Variants in DOCK5 observed in about 807,000 individuals in gnomAD.
The protein encoded by DOCK5 is dedicator of cytokinesis protein 5.
A neutral mutation model predicts 251.8 loss-of-function variants in DOCK5; 142 were observed. That is an observed-to-expected ratio of 0.56 (90% CI 0.49 to 0.65). The LOEUF (loss-of-function observed/expected upper bound fraction) is 0.65, where lower values mean the gene tolerates loss of function less well. Among genes scored for constraint, DOCK5 ranks in the 30% least tolerant of loss-of-function variants. The probability of loss-of-function intolerance (pLI) is 0.00; values close to 1 mark genes in which losing one functional copy is unlikely to be tolerated. For missense variants in DOCK5, 2,111 were observed against 2,312.3 expected (o/e 0.91, Z 1.79); for synonymous variants, 842 against 835.5 (o/e 1.01, Z -0.13).
chr8:25,397,867 C>T (rs372899842), intron 45 of DOCK5, among the ~76,000 whole-genome samples: 37 of 152,248 alleles, frequency 2.4e-4, no homozygotes, highest in Admixed American at 6.5e-4. Flanking sequence ...ATTTCGGGAC[C>T]TTTGGCTTAA....
intron 1 of DOCK5, among the ~76,000 whole-genome samples, chr8:25,228,465 T>G (rs1802586383): frequency 6.6e-6 from 1 of 152,190 alleles, no homozygotes; most frequent in Admixed American, 6.5e-5. Context: ...GAGGGGCTGT[T>G]CCTTGTGGCT....
chr8:25,204,014 C>A (rs1238362597), intron 1 of DOCK5, among the ~76,000 whole-genome samples: 1 of 152,194 alleles, frequency 6.6e-6, no homozygotes, highest in Non-Finnish European at 1.5e-5. Context: ...TTGCTTTTAT[C>A]AGCAGCCTTG....
intron 2 of DOCK5, among the ~76,000 whole-genome samples, chr8:25,255,403 G>A (rs1364038119): frequency 2.0e-5 from 3 of 152,112 alleles, no homozygotes; most frequent in Non-Finnish European, 4.4e-5. Context: ...GCCATAAAAA[G>A]ACATAGATAT....
chr8:25,243,750 G>T lies in DOCK5; in HGVS notation c.120G>T (p.Met40Ile), dbSNP rs752655929. 1.2e-6 allele frequency: 2 copies of T among 1,613,594 alleles called. No homozygotes were observed. Among genetic ancestry groups the T allele is most frequent in the Non-Finnish European group, 1.7e-6 (2 of 1,179,662 alleles). Residue 40 changes from methionine (M) to isoleucine (I), a missense_variant, in exon 2 of 52, where the codon ATG becomes ATT. Coordinates refer to ENST00000276440, the MANE Select transcript of DOCK5 (RefSeq NM_024940.8). ...GTGACACAGTTCACATCCTGGAGAT[G>T]TACGAGGGTAAGTCTGGCTGGCCTT... ...QIGDTVHILE[M>I]YEGWYRGYTL...
intron 38 of DOCK5, among the ~76,000 whole-genome samples, chr8:25,378,077 G>A (rs2709624): frequency 0.7 from 105,677 of 151,996 alleles, 37,133 homozygotes; most frequent in South Asian, 0.8. Flanking sequence ...TGAATGAATC[G>A]TTAACTACAC....
At chr8:25,328,135 C>T (rs1368118378) in intron 18 of DOCK5, among the ~76,000 whole-genome samples, 3 of 152,062 alleles carry the variant, frequency 2.0e-5, no homozygotes, top group Non-Finnish European at 4.4e-5. Context: ...TATACATTTT[C>T]ATCATCACAG....
rs144754799 is a variant in DOCK5 at position 25,262,045 on chromosome 8, T to C, written c.128-6800T>C. On this transcript the variant is annotated intron_variant, in intron 2 of 51. Coordinates refer to ENST00000276440, the MANE Select transcript of DOCK5 (RefSeq NM_024940.8). ...TCAGTACTCCCATTGATGTACATTT[T>C]GATGTATTCCAGCTTTTGACTATTA... 4.3e-4 allele frequency among the ~76,000 whole-genome samples: 66 copies of C among 152,352 alleles called. 1 individual carries two copies. Among genetic ancestry groups the C allele is most frequent in the African/African-American group, 1.6e-3 (66 of 41,580 alleles).
At chr8:25,277,390 T>A (rs1804071235) in intron 4 of DOCK5, 2 of 152,328 alleles carry the variant, frequency 1.3e-5, no homozygotes, top group Admixed American at 1.3e-4. Context: ...CAGAACACAT[T>A]GAAACTGTTG....
intron 34 of DOCK5, 148 bp downstream of exon 34, chr8:25,369,789 G>GTA: frequency 1.7e-6 from 1 of 584,844 alleles, no homozygotes; most frequent in Non-Finnish European, 3.0e-6. Context: ...GTTATGGGGT[G>GTA]TATACTGTCC....
intron 1 of DOCK5, among the ~76,000 whole-genome samples, chr8:25,207,002 G>T (rs1014592189): frequency 6.6e-6 from 1 of 152,154 alleles, no homozygotes; most frequent in Non-Finnish European, 1.5e-5. Flanking sequence ...CCAAGTCCAG[G>T]TCTAAAACAT....
At chr8:25,387,580 C>T (rs985778791) in intron 40 of DOCK5, among the ~76,000 whole-genome samples, 8 of 152,224 alleles carry the variant, frequency 5.3e-5, no homozygotes, top group Non-Finnish European at 1.0e-4. Flanking sequence ...ACATTGTCTA[C>T]ACTTCTTCTT....
At chr8:25,214,770 G>A (rs1802193927) in intron 1 of DOCK5, among the ~76,000 whole-genome samples, 1 of 152,134 alleles carries the variant, frequency 6.6e-6, no homozygotes, top group Admixed American at 6.5e-5. Flanking sequence ...TTGCGAAAGG[G>A]GACAGAGAGG....
At chr8:25,215,199 T>C (rs1217211597) in intron 1 of DOCK5, among the ~76,000 whole-genome samples, 1 of 152,108 alleles carries the variant, frequency 6.6e-6, no homozygotes, top group African/African-American at 2.4e-5. Flanking sequence ...TTTGTGTCTG[T>C]TTGAAAAACA....
At chr8:25,199,103 C>T (rs2117456370) in intron 1 of DOCK5, among the ~76,000 whole-genome samples, 1 of 152,252 alleles carries the variant, frequency 6.6e-6, no homozygotes, top group Non-Finnish European at 1.5e-5. Context: ...ATTGACATGA[C>T]ATCAGTTGCA....
intron 36 of DOCK5, among the ~76,000 whole-genome samples, 166 bp from the exon 37 acceptor site, chr8:25,374,398 G>T (rs185382032): frequency 6.6e-6 from 1 of 152,302 alleles, no homozygotes; most frequent in Non-Finnish European, 1.5e-5. Flanking sequence ...AGGAGGCTAA[G>T]GTGGGTGGAT....
intron 26 of DOCK5, among the ~76,000 whole-genome samples, chr8:25,345,980 G>C (rs553383597): frequency 6.6e-6 from 1 of 152,250 alleles, no homozygotes; most frequent in Non-Finnish European, 1.5e-5. Flanking sequence ...CTCCCGAGTA[G>C]CTGGGACTAC....
At chr8:25,299,400 G>C (rs946416945) in intron 8 of DOCK5, 1 of 288,548 alleles carries the variant, frequency 3.5e-6, no homozygotes, top group African/African-American at 2.2e-5. Flanking sequence ...GGGATGAATA[G>C]GCAGAGCACA....
rs1375795420 is a variant in DOCK5 at position 25,362,319 on chromosome 8, G to A, written c.2950-728G>A. ...GTTGGTGAATTATGTTTAAGTGCAT[G>A]AGATACATTCTGACAACCTGTGGCA... is the stretch of plus-strand genomic sequence containing the variant. On this transcript the variant is annotated intron_variant, in intron 28 of 51. Coordinates refer to ENST00000276440, the MANE Select transcript of DOCK5 (RefSeq NM_024940.8). Among the ~76,000 whole-genome samples the A allele has an allele frequency of 2.0e-5, 3 of 152,146 alleles. No homozygotes were observed. The East Asian group carries it at 5.8e-4, about 29-fold the overall frequency.
chr8:25,361,644 A>G (rs978094097), intron 28 of DOCK5, among the ~76,000 whole-genome samples: 1 of 152,154 alleles, frequency 6.6e-6, no homozygotes. Context: ...TAAATAAAAT[A>G]TATGATGAAA....
Sources: gnomAD v4.1 joint callset for allele counts (sites outside exome capture counted in the v4.1 genomes callset) on GRCh38, gnomAD v4.1.1 for gene constraint, MANE v1.5 for transcripts, NCBI Gene and HGNC (gene_info 2026-07-23, HGNC 2026-07-21) for gene names.